AUTS2: variants seen among roughly 807,000 people sequenced by gnomAD.
The protein encoded by AUTS2 is activator of transcription and developmental regulator AUTS2, also known as autism susceptibility gene 2 protein.
Under a neutral mutation model 112.4 loss-of-function variants are expected in AUTS2, and 17 were observed. The ratio of observed to expected loss-of-function variants is 0.15; its 90% CI spans 0.10 to 0.23. AUTS2 has a LOEUF of 0.23. Among genes scored for constraint, AUTS2 ranks in the 10% least tolerant of loss-of-function variants. AUTS2 has a pLI of 1.00. For synonymous variants in AUTS2, 751 were observed against 702.7 expected, an observed-to-expected ratio of 1.07 and a Z score of -1.09; for missense variants, 1,510 against 1,701.6, an observed-to-expected ratio of 0.89 and a Z score of 1.98.
At chr7:69,989,783 G>C (rs1190828838) in intron 2 of AUTS2, among the ~76,000 whole-genome samples, 1 of 152,140 alleles carries the variant, frequency 6.6e-6, no homozygotes, top group Admixed American at 6.5e-5. Context: ...TTGGGAACTG[G>C]GCCACAGAGC....
At chr7:70,275,550 A>T (rs1026730797) in intron 4 of AUTS2, among the ~76,000 whole-genome samples, 1 of 152,134 alleles carries the variant, frequency 6.6e-6, no homozygotes, top group African/African-American at 2.4e-5. Flanking sequence ...GTAAAAAAAA[A>T]TTTGTATATT....
chr7:70,265,183 CGCT>C, intron 4 of AUTS2, among the ~76,000 whole-genome samples: 1 of 152,268 alleles, frequency 6.6e-6, no homozygotes, highest in East Asian at 1.9e-4. Context: ...TAATCAGCCT[CGCT>C]GCTAATTCTT....
chr7:69,649,777 A>AGCATATAAG (rs1795211335), intron 1 of AUTS2, among the ~76,000 whole-genome samples: 2 of 152,178 alleles, frequency 1.3e-5, no homozygotes, highest in Admixed American at 1.3e-4. Context: ...ACTCTTTCAG[A>AGCATATAAG]GCATATAAGG....
intron 4 of AUTS2, among the ~76,000 whole-genome samples, chr7:70,393,407 C>T (rs1793949413): frequency 6.6e-6 from 1 of 152,170 alleles, no homozygotes; most frequent in East Asian, 1.9e-4. Context: ...CCTTCCTGCT[C>T]ATCTGCCCCA....
At chr7:70,120,980 G>T (rs984044331) in intron 3 of AUTS2, among the ~76,000 whole-genome samples, 1 of 152,156 alleles carries the variant, frequency 6.6e-6, no homozygotes, top group Non-Finnish European at 1.5e-5. Flanking sequence ...AAACAGTATG[G>T]TGCTGGCCTA....
intron 6 of AUTS2, among the ~76,000 whole-genome samples, chr7:70,739,270 C>T (rs1301646720): frequency 6.6e-6 from 1 of 151,514 alleles, no homozygotes; most frequent in Non-Finnish European, 1.5e-5. Flanking sequence ...TCAAGCAATC[C>T]TCCTGCCTCG....
chr7:69,678,552 G>C (rs576778485), intron 1 of AUTS2, among the ~76,000 whole-genome samples: 1 of 152,198 alleles, frequency 6.6e-6, no homozygotes, highest in African/African-American at 2.4e-5. Context: ...ATTGCCTCGT[G>C]TACAGACAGG....
At chr7:70,025,510 G>T (rs1305466032) in intron 2 of AUTS2, among the ~76,000 whole-genome samples, 3 of 150,144 alleles carry the variant, frequency 2.0e-5, no homozygotes, top group African/African-American at 7.4e-5. Context: ...GGAACGCAGT[G>T]GCTGGATCTT....
At chr7:69,846,954 G>A (rs903650624) in intron 1 of AUTS2, among the ~76,000 whole-genome samples, 14 of 152,152 alleles carry the variant, frequency 9.2e-5, no homozygotes, top group Admixed American at 7.9e-4. Context: ...TAAGTCATTT[G>A]AGCAAAGTTA....
At chr7:70,472,537 G>GT (rs938324519) in intron 5 of AUTS2, among the ~76,000 whole-genome samples, 1 of 152,046 alleles carries the variant, frequency 6.6e-6, no homozygotes, top group Non-Finnish European at 1.5e-5. Context: ...ATATTTGCAT[G>GT]TAAGTGTACT....
intron 4 of AUTS2, among the ~76,000 whole-genome samples, chr7:70,260,565 A>G (rs1028092496): frequency 3.3e-5 from 5 of 151,966 alleles, no homozygotes; most frequent in Non-Finnish European, 7.4e-5. Flanking sequence ...ATGCTAGCTC[A>G]GTTCTCTTCC....
intron 4 of AUTS2, among the ~76,000 whole-genome samples, chr7:70,345,598 T>C (rs1791459960): frequency 6.6e-6 from 1 of 152,172 alleles, no homozygotes; most frequent in Non-Finnish European, 1.5e-5. Flanking sequence ...TTTCCAAAAC[T>C]TGTCACTATG....
At chr7:69,914,670 A>G (rs1795503183) in intron 2 of AUTS2, among the ~76,000 whole-genome samples, 1 of 151,540 alleles carries the variant, frequency 6.6e-6, no homozygotes, top group African/African-American at 2.4e-5. Context: ...TTTAGAGGTA[A>G]TCCAAAAGAG....
At chr7:70,474,945 G>A (rs984756453) in intron 5 of AUTS2, among the ~76,000 whole-genome samples, 9 of 152,148 alleles carry the variant, frequency 5.9e-5, no homozygotes, top group South Asian at 2.1e-4. Context: ...CCATCTCCAC[G>A]GAAACAGAAC....
chr7:69,951,616 A>T (rs1412939040), intron 2 of AUTS2, among the ~76,000 whole-genome samples: 1 of 152,154 alleles, frequency 6.6e-6, no homozygotes, highest in East Asian at 1.9e-4. Context: ...CCTGTGGGAT[A>T]ATGAACACTT....
intron 1 of AUTS2, among the ~76,000 whole-genome samples, chr7:69,721,060 TGCTGG>T (rs1467550194): frequency 3.9e-5 from 6 of 152,230 alleles, no homozygotes; most frequent in Non-Finnish European, 8.8e-5. Context: ...CCAATTGTTA[TGCTGG>T]TCAGCAGCAA....
intron 4 of AUTS2, among the ~76,000 whole-genome samples, chr7:70,320,310 G>A (rs1790194329): frequency 6.6e-6 from 1 of 152,092 alleles, no homozygotes; most frequent in Admixed American, 6.6e-5. Context: ...TGTTGAGAAG[G>A]GATACATGTC....
At chr7:69,663,914 TCAAA>T (rs1196912770) in intron 1 of AUTS2, among the ~76,000 whole-genome samples, 1 of 152,206 alleles carries the variant, frequency 6.6e-6, no homozygotes, top group East Asian at 1.9e-4. Flanking sequence ...CCAAAATGAA[TCAAA>T]CAAATTGTAA....
chr7:70,050,355 C>CA (rs60714093), intron 2 of AUTS2, among the ~76,000 whole-genome samples: 43,915 of 72,568 alleles, frequency 0.61, 13,941 homozygotes, highest in Non-Finnish European at 0.65. Flanking sequence ...GACTCTGTCT[C>CA]AAAAAAAAAA....
Sources: gnomAD v4.1 joint callset for allele counts (sites outside exome capture counted in the v4.1 genomes callset) on GRCh38, gnomAD v4.1.1 for gene constraint, MANE v1.5 for transcripts, NCBI Gene and HGNC (gene_info 2026-07-23, HGNC 2026-07-21) for gene names.